CDH11: variants seen among roughly 807,000 people sequenced by gnomAD.
CDH11 encodes cadherin 11, also known as cadherin-11.
A neutral mutation model predicts 67.8 loss-of-function variants in CDH11; 11 were observed. The ratio of observed to expected loss-of-function variants is 0.16; its 90% CI spans 0.10 to 0.27. The LOEUF is 0.27. CDH11 is among the 10% of genes least tolerant of loss of function. CDH11 has a pLI of 1.00. For synonymous variants in CDH11, 419 were observed against 400.0 expected (o/e 1.05, Z -0.57); for missense variants, 847 against 1,031.2 (o/e 0.82, Z 2.45).
rs1484662045 is a variant in CDH11 at position 65,074,667 on chromosome 16, T to C, written c.-297-20739A>G. Among the ~76,000 whole-genome samples, 4 of 152,030 alleles carry C rather than the reference T, an allele frequency of 2.6e-5. No homozygotes were observed. The East Asian group carries it at 7.7e-4, about 29-fold the overall frequency. ...CATATCTTCCCCCAGAATATGTGTGTGTGCACAGAGAGAGACAAACAGACA... is the reference window on the plus strand; with the variant it reads ...CATATCTTCCCCCAGAATATGTGTGCGTGCACAGAGAGAGACAAACAGACA... On this transcript the variant is annotated intron_variant, in intron 1 of 12. Coordinates refer to ENST00000268603, the MANE Select transcript of CDH11 (RefSeq NM_001797.4).
intron 1 of CDH11, among the ~76,000 whole-genome samples, chr16:65,067,234 A>T (rs2074327801): frequency 6.6e-6 from 1 of 152,220 alleles, no homozygotes. Context: ...CCAGGAGTTA[A>T]ATGAATCCTT....
intron 1 of CDH11, among the ~76,000 whole-genome samples, chr16:65,074,962 C>G (rs569957325): frequency 4.6e-5 from 7 of 152,192 alleles, no homozygotes; most frequent in African/African-American, 1.7e-4. Context: ...CACACACATG[C>G]GCACATACAC....
intron 2 of CDH11, among the ~76,000 whole-genome samples, chr16:65,038,666 G>A (rs1326352250): frequency 1.3e-5 from 2 of 152,202 alleles, no homozygotes; most frequent in Non-Finnish European, 2.9e-5. Context: ...TTGCCTTGGG[G>A]AAATAGGATG....
At chr16:64,978,538 C>T (rs1388336745) in intron 8 of CDH11, among the ~76,000 whole-genome samples, 1 of 152,044 alleles carries the variant, frequency 6.6e-6, no homozygotes, top group Non-Finnish European at 1.5e-5. Flanking sequence ...AAACATAGTA[C>T]AAAGTTATGG....
At chr16:64,973,952 T>G (rs1289033596) in intron 8 of CDH11, among the ~76,000 whole-genome samples, 1 of 152,148 alleles carries the variant, frequency 6.6e-6, no homozygotes, top group Non-Finnish European at 1.5e-5. Flanking sequence ...TTGTAGGGCA[T>G]TTTCCCATAT....
At chr16:64,948,442 C>G in intron 12 of CDH11, 1 of 673,204 alleles carries the variant, frequency 1.5e-6, no homozygotes. Context: ...TTAGAAGTGG[C>G]TAATGCCAAT....
At position 65,029,426 on chromosome 16, in the gene CDH11, T is replaced by C. The variant is rs376564720; in HGVS notation, c.-173+24378A>G. 3.9e-5 allele frequency among the ~76,000 whole-genome samples: 6 copies of C among 152,336 alleles called. No individual in the cohort carries two copies. The South Asian group carries it at 6.2e-4, about 16-fold the overall frequency. On this transcript the variant is annotated intron_variant, in intron 2 of 12. Coordinates refer to ENST00000268603, the MANE Select transcript of CDH11 (RefSeq NM_001797.4). Reference sequence around the variant, plus strand: ...TAATTACAAATTAAAAACTTGGCTCTGAGACTGAACTTTGAGCAGACAGAT... The same window carrying C: ...TAATTACAAATTAAAAACTTGGCTCCGAGACTGAACTTTGAGCAGACAGAT...
At chr16:65,014,318 G>C (rs949797743) in intron 2 of CDH11, among the ~76,000 whole-genome samples, 1 of 150,426 alleles carries the variant, frequency 6.6e-6, no homozygotes, top group Non-Finnish European at 1.5e-5. Context: ...ATATTTAAAA[G>C]TTCAAAAAAT....
At chr16:65,047,748 T>G (rs1191452378) in intron 2 of CDH11, among the ~76,000 whole-genome samples, 1 of 152,244 alleles carries the variant, frequency 6.6e-6, no homozygotes, top group Admixed American at 6.5e-5. Context: ...AAATATTTCA[T>G]GGGACATCCC....
chr16:65,118,956 C>CA (rs2075284546), intron 1 of CDH11: 1 of 152,118 alleles, frequency 6.6e-6, no homozygotes, highest in Admixed American at 6.5e-5. Context: ...GTTCTGAAAA[C>CA]AGATTTGAAT....
At chr16:65,081,605 G>A (rs1833100930) in intron 1 of CDH11, among the ~76,000 whole-genome samples, 1 of 148,736 alleles carries the variant, frequency 6.7e-6, no homozygotes, top group African/African-American at 2.5e-5. Flanking sequence ...ATGTAATACA[G>A]CCCTATCAAA....
chr16:64,953,249 G>T (rs1295048830), intron 11 of CDH11, among the ~76,000 whole-genome samples: 1 of 150,766 alleles, frequency 6.6e-6, no homozygotes, highest in Non-Finnish European at 1.5e-5. Flanking sequence ...TTTTCCGTTA[G>T]ATATCTATAT....
At chr16:64,985,194 G>A (rs951095416) in intron 7 of CDH11, 2 of 152,136 alleles carry the variant, frequency 1.3e-5, no homozygotes, top group Non-Finnish European at 1.5e-5. Context: ...CCCAAGGGTA[G>A]TTTCTCTCTT....
chr16:65,108,757 T>C (rs1856968236), intron 1 of CDH11, among the ~76,000 whole-genome samples: 2 of 152,206 alleles, frequency 1.3e-5, no homozygotes, highest in Non-Finnish European at 2.9e-5. Context: ...GATATTTTAC[T>C]AAGCTGCCTA....
chr16:65,041,449 G>A (rs191153700), intron 2 of CDH11, among the ~76,000 whole-genome samples: 18 of 151,990 alleles, frequency 1.2e-4, no homozygotes, highest in African/African-American at 3.4e-4. Flanking sequence ...CTGTCCAGTC[G>A]AGTGTAGCAA....
rs1445590598 is a variant in CDH11, at chr16:64,998,649, T to C, written c.436A>G (p.Ile146Val). 1.9e-6 allele frequency: 3 copies of C among 1,614,072 alleles called. No homozygotes were observed. Among genetic ancestry groups the C allele is most frequent in the Non-Finnish European group, 2.5e-6 (3 of 1,180,006 alleles). Residue 146 changes from isoleucine to valine, a missense_variant, in exon 4 of 13, where the codon ATT becomes GTT. Transcript: ENST00000268603. ...TCATTAATGTCCTGGACCTTGACAATGAATTCCGACGGTGGCTCCAGTGGC... is the reference window on the plus strand; with the variant it reads ...TCATTAATGTCCTGGACCTTGACAACGAATTCCGACGGTGGCTCCAGTGGC... ...NRPLEPPSEF[I>V]VKVQDINDNP...
intron 1 of CDH11, among the ~76,000 whole-genome samples, chr16:65,080,620 C>A (rs2074594772): frequency 6.6e-6 from 1 of 152,220 alleles, no homozygotes; most frequent in Admixed American, 6.5e-5. Flanking sequence ...TATAGTCATG[C>A]ATACAATTTT....
At chr16:64,980,265 G>A in intron 8 of CDH11, among the ~76,000 whole-genome samples, 1 of 152,042 alleles carries the variant, frequency 6.6e-6, no homozygotes. Context: ...AAAAAAAAGA[G>A]AGTGAGACAG....
intron 1 of CDH11, among the ~76,000 whole-genome samples, chr16:65,079,500 T>TGTGTGTGTTTGTGTATGTGC: frequency 6.6e-6 from 1 of 152,146 alleles, no homozygotes; most frequent in Non-Finnish European, 1.5e-5. Context: ...TGTGTATGTG[T>TGTGTGTGTTTGTGTATGTGC]GTGTGTGTGT....
Sources: gnomAD v4.1 joint callset for allele counts (sites outside exome capture counted in the v4.1 genomes callset) on GRCh38, gnomAD v4.1.1 for gene constraint, MANE v1.5 for transcripts, NCBI Gene and HGNC (gene_info 2026-07-23, HGNC 2026-07-21) for gene names.